CCDC192: variants seen among roughly 807,000 people sequenced by gnomAD.
CCDC192 encodes coiled-coil domain-containing protein 192.
In CCDC192 at chr5:127,821,726, T is replaced by G. The variant is rs140865794; in HGVS notation, c.411+23564T>G. 4.3e-3 allele frequency among the ~76,000 whole-genome samples: 656 copies of G among 152,288 alleles called. 2 individuals are homozygous for G. Among genetic ancestry groups the G allele is most frequent in the African/African-American group, 0.015 (637 of 41,562 alleles). On this transcript the variant is annotated intron_variant, in intron 5 of 6. Coordinates refer to ENST00000514853, the MANE Select transcript of CCDC192 (RefSeq NM_001317938.2). ...GATCAAGTACCTCCTCAGGTGGTCC[T>G]TAGACCCAATGATGTTTGAAGACCC...
In CCDC192 at chr5:127,720,569, C is replaced by A. The variant is rs532095082; in HGVS notation, c.114+12809C>A. The stretch of plus-strand genomic sequence containing the variant: ...GAGGATGGTGGCTGTCTTCAAACAG[C>A]TCCACTAGGCAGTGCCCCAGTGGGG... On this transcript the variant is annotated intron_variant, in intron 2 of 6. Coordinates refer to ENST00000514853, the MANE Select transcript of CCDC192 (RefSeq NM_001317938.2). Among the ~76,000 whole-genome samples the A allele has an allele frequency of 3.9e-5, 6 of 152,334 alleles. No individual in the cohort carries two copies. In the South Asian group the frequency reaches 1.2e-3, roughly 32 times the overall value.
At position 127,892,093 on chromosome 5, in the gene CCDC192, C is replaced by T. The variant is rs564742533; in HGVS notation, c.535+16432C>T. ...ACAGGAATGGAAATGAAAGATGTTG[C>T]GCAAATTACTAAGTCTAAAAAAAGC... is the stretch of plus-strand genomic sequence containing the variant. On this transcript the variant is annotated intron_variant, in intron 6 of 6. Coordinates refer to ENST00000514853, the MANE Select transcript of CCDC192 (RefSeq NM_001317938.2). 1.6e-4 allele frequency among the ~76,000 whole-genome samples: 24 copies of T among 151,970 alleles called. 1 individual carries two copies. In the South Asian group the frequency reaches 3.5e-3, roughly 22 times the overall value.
intron 5 of CCDC192, among the ~76,000 whole-genome samples, chr5:127,837,862 C>A: frequency 6.6e-6 from 1 of 152,124 alleles, no homozygotes; most frequent in East Asian, 1.9e-4. Flanking sequence ...GTGGTGCACG[C>A]CTGTAGTCCC....
chr5:127,729,921 G>C (rs994184810), intron 2 of CCDC192, among the ~76,000 whole-genome samples: 2 of 152,062 alleles, frequency 1.3e-5, no homozygotes, highest in Non-Finnish European at 2.9e-5. Flanking sequence ...AAAAAGATTA[G>C]AAAGATCTCA....
chr5:127,733,931 A>ATTT (rs1554069665), intron 2 of CCDC192, among the ~76,000 whole-genome samples: 2 of 143,240 alleles, frequency 1.4e-5, no homozygotes, highest in African/African-American at 5.6e-5. Flanking sequence ...ATATATATAT[A>ATTT]TTTTTTTATT....
chr5:127,875,531 T>C lies in CCDC192; in HGVS notation c.412-7T>C, dbSNP rs1255532051. ...TGATGGAAACTCTTATTTTTTTTTT[T>C]TTTAAGAAACTAAAGCATGAAAAGA... On this transcript the variant is annotated splice_polypyrimidine_tract_variant and splice_region_variant and intron_variant, in intron 5 of 6. Transcript: ENST00000514853. 6 of 398,646 alleles carry C rather than the reference T, an allele frequency of 1.5e-5. No individual in the cohort carries two copies. Among genetic ancestry groups the C allele is most frequent in the Non-Finnish European group, 2.2e-5 (5 of 225,916 alleles). 24.7% of individuals were successfully genotyped at this position (398,646 alleles called of 1,614,324 possible).
intron 6 of CCDC192, among the ~76,000 whole-genome samples, chr5:127,919,055 GTA>G (rs1249867547): frequency 1.2e-4 from 17 of 146,214 alleles, no homozygotes; most frequent in African/African-American, 3.9e-4. Context: ...ATCTGTGTGT[GTA>G]TGTGTGTGTG....
intron 5 of CCDC192, among the ~76,000 whole-genome samples, chr5:127,823,830 C>G (rs59230822): frequency 0.02 from 3,077 of 152,300 alleles, 105 homozygotes; most frequent in African/African-American, 0.07. Flanking sequence ...GAAAGGCTTT[C>G]TGTTCCAACT....
At position 127,903,241 on chromosome 5, in the gene CCDC192, A is replaced by ATT. The variant is rs748694522; in HGVS notation, c.535+27597_535+27598dup. Among the ~76,000 whole-genome samples, 234 of 143,424 alleles carry ATT rather than the reference A, an allele frequency of 1.6e-3. 1 individual carries two copies. The highest frequency in any genetic ancestry group is 5.6e-3 in the African/African-American group (221 of 39,126). The allele number at this position is 143,424 out of a possible 152,430, so 94.1% of individuals were successfully genotyped here. The stretch of plus-strand genomic sequence containing the variant: ...TTCTGTAATTCATTCTTTTGGAGGA[A>ATT]TTTTTTTTTTTTTTTTTTAGATGCA... On this transcript the variant is annotated intron_variant, in intron 6 of 6. Transcript: ENST00000514853.
At chr5:127,851,208 G>T (rs760191553) in intron 5 of CCDC192, among the ~76,000 whole-genome samples, 1 of 152,112 alleles carries the variant, frequency 6.6e-6, no homozygotes, top group Non-Finnish European at 1.5e-5. Flanking sequence ...TGGTGTCTAT[G>T]ATTTACAACT....
At chr5:127,828,312 G>A (rs1749631694) in intron 5 of CCDC192, among the ~76,000 whole-genome samples, 1 of 152,152 alleles carries the variant, frequency 6.6e-6, no homozygotes, top group African/African-American at 2.4e-5. Context: ...ATGTGGTCTC[G>A]AGAAAAGGTT....
chr5:127,906,087 G>A (rs1053708438), intron 6 of CCDC192, among the ~76,000 whole-genome samples: 12 of 152,148 alleles, frequency 7.9e-5, no homozygotes, highest in East Asian at 1.9e-4. Context: ...GTGCCATTAA[G>A]TACATTCACG....
At chr5:127,796,049 G>A (rs1757148208) in intron 3 of CCDC192, among the ~76,000 whole-genome samples, 1 of 152,166 alleles carries the variant, frequency 6.6e-6, no homozygotes, top group African/African-American at 2.4e-5. Context: ...AATGGCTGTG[G>A]AGGAGGCAAC....
intron 3 of CCDC192, among the ~76,000 whole-genome samples, chr5:127,779,661 A>G (rs1756076639): frequency 6.6e-6 from 1 of 152,224 alleles, no homozygotes; most frequent in South Asian, 2.1e-4. Context: ...GTAAGTTGTC[A>G]TCAACCTGAG....
chr5:127,767,852 T>C (rs1450960527), intron 3 of CCDC192, among the ~76,000 whole-genome samples: 2 of 152,224 alleles, frequency 1.3e-5, no homozygotes, highest in East Asian at 1.9e-4. Context: ...GAGGGTGTTA[T>C]GGATTAAATC....
chr5:127,794,978 A>G (rs1000594154), intron 3 of CCDC192, among the ~76,000 whole-genome samples: 1 of 152,186 alleles, frequency 6.6e-6, no homozygotes, highest in Non-Finnish European at 1.5e-5. Flanking sequence ...ATGTCTTCAG[A>G]TATTTTGTTT....
intron 3 of CCDC192, among the ~76,000 whole-genome samples, chr5:127,778,854 G>T (rs1411987402): frequency 6.6e-6 from 1 of 150,932 alleles, no homozygotes; most frequent in African/African-American, 2.4e-5. Flanking sequence ...AGTAATTCAT[G>T]GTTTCTAGGA....
intron 2 of CCDC192, among the ~76,000 whole-genome samples, chr5:127,712,643 G>C (rs1048922291): frequency 2.6e-5 from 4 of 152,178 alleles, no homozygotes; most frequent in Non-Finnish European, 5.9e-5. Context: ...AACAGACTAA[G>C]ACAATCCTTT....
At chr5:127,887,812 T>C (rs1752613217) in intron 6 of CCDC192, among the ~76,000 whole-genome samples, 1 of 151,620 alleles carries the variant, frequency 6.6e-6, no homozygotes, top group Admixed American at 6.6e-5. Context: ...CATGCCATTC[T>C]CCTGCCTCAG....
Sources: gnomAD v4.1 joint callset for allele counts (sites outside exome capture counted in the v4.1 genomes callset) on GRCh38, gnomAD v4.1.1 for gene constraint, MANE v1.5 for transcripts, NCBI Gene and HGNC (gene_info 2026-07-23, HGNC 2026-07-21) for gene names.